The following FSIP1 variants were observed in gnomAD, a reference collection of about 807,000 sequenced individuals.
The protein encoded by FSIP1 is fibrous sheath interacting protein 1.
In FSIP1, 65 loss-of-function variants were observed where a neutral mutation model predicts 60.9. The ratio of observed to expected loss-of-function variants is 1.07; its 90% CI spans 0.87 to 1.31. FSIP1 has a LOEUF of 1.31. Among genes scored for constraint, FSIP1 ranks in the 40% most tolerant of loss-of-function variants. FSIP1 has a pLI of 0.00. For missense variants in FSIP1, 675 were observed against 665.5 expected, an observed-to-expected ratio of 1.01 and a Z score of -0.16; for synonymous variants, 209 against 221.2, an observed-to-expected ratio of 0.94 and a Z score of 0.49.
intron 4 of FSIP1, among the ~76,000 whole-genome samples, chr15:39,764,247 T>C (rs968186896): frequency 6.6e-6 from 1 of 152,188 alleles, no homozygotes; most frequent in African/African-American, 2.4e-5. Flanking sequence ...ATTGTTACTA[T>C]GTTTTATTAT....
chr15:39,691,887 T>C (rs895716456), intron 10 of FSIP1, among the ~76,000 whole-genome samples: 2 of 152,156 alleles, frequency 1.3e-5, no homozygotes, highest in East Asian at 1.9e-4. Context: ...GATAGATAGA[T>C]AGATAGAGAG....
At chr15:39,641,412 A>G (rs1892363814) in intron 10 of FSIP1, among the ~76,000 whole-genome samples, 1 of 152,110 alleles carries the variant, frequency 6.6e-6, no homozygotes, top group Non-Finnish European at 1.5e-5. Context: ...AAAACACACG[A>G]CTTCCCTGGA....
At chr15:39,691,754 T>C (rs1894610154) in intron 10 of FSIP1, among the ~76,000 whole-genome samples, 1 of 152,134 alleles carries the variant, frequency 6.6e-6, no homozygotes, top group Non-Finnish European at 1.5e-5. Context: ...CCTTCCTAGC[T>C]CAGAAAAGAG....
At chr15:39,759,325 C>T (rs1454017630) in intron 5 of FSIP1, among the ~76,000 whole-genome samples, 1 of 152,124 alleles carries the variant, frequency 6.6e-6, no homozygotes, top group Non-Finnish European at 1.5e-5. Context: ...AGGTAACTCA[C>T]AACTTAGCTA....
chr15:39,693,750 G>A (rs1178841614), intron 10 of FSIP1, among the ~76,000 whole-genome samples: 2 of 152,124 alleles, frequency 1.3e-5, no homozygotes, highest in East Asian at 1.9e-4. Context: ...AGTGATAGAG[G>A]CTGTGTGTGT....
chr15:39,677,550 T>C (rs1369918836), intron 10 of FSIP1, among the ~76,000 whole-genome samples: 1 of 152,104 alleles, frequency 6.6e-6, no homozygotes, highest in African/African-American at 2.4e-5. Context: ...CCAGTATTTC[T>C]ACCCCTAGGA....
Position 39,732,591 on chromosome 15 carries a change from T to C in FSIP1, c.891+5500A>G, listed in dbSNP as rs147479492. On this transcript the variant is annotated intron_variant, in intron 8 of 11. Transcript: ENST00000350221. ...CCAAGATCGTGCCATTGCACTCCAGTGTGGGTGACAAGAGTGAAACTCCAT... is the reference window on the plus strand; with the variant it reads ...CCAAGATCGTGCCATTGCACTCCAGCGTGGGTGACAAGAGTGAAACTCCAT... 8.5e-3 allele frequency among the ~76,000 whole-genome samples: 1,099 copies of C among 129,710 alleles called. 21 individuals carry two copies. Among genetic ancestry groups the C allele is most frequent in the African/African-American group, 0.032 (1,045 of 32,212 alleles). The allele number at this position is 129,710 out of a possible 152,430, so 85.1% of individuals were successfully genotyped here. A position where few individuals can be genotyped will look rare whatever the true frequency, so the allele number is the denominator to read the frequency against.
chr15:39,690,979 T>A (rs1401274421), intron 10 of FSIP1, among the ~76,000 whole-genome samples: 1 of 152,110 alleles, frequency 6.6e-6, no homozygotes, highest in Non-Finnish European at 1.5e-5. Flanking sequence ...CATCAATCCA[T>A]CAGAGAGGTT....
At chr15:39,742,058 A>T (rs1382218132) in intron 5 of FSIP1, among the ~76,000 whole-genome samples, 158 bp from the exon 6 acceptor site, 3 of 152,210 alleles carry the variant, frequency 2.0e-5, no homozygotes, top group Non-Finnish European at 2.9e-5. Flanking sequence ...TGTCACCTCC[A>T]AGTAGAAATG....
intron 10 of FSIP1, among the ~76,000 whole-genome samples, chr15:39,688,292 T>C (rs187636132): frequency 1.3e-5 from 2 of 152,102 alleles, no homozygotes; most frequent in East Asian, 3.8e-4. Flanking sequence ...AAGCCAAAAA[T>C]CCATTTACTT....
chr15:39,642,723 T>G (rs1290196174), intron 10 of FSIP1, among the ~76,000 whole-genome samples: 1 of 152,220 alleles, frequency 6.6e-6, no homozygotes, highest in Non-Finnish European at 1.5e-5. Context: ...TTTTGTTTGT[T>G]TTGTTTTGTT....
At chr15:39,609,361 C>A (rs1403595777) in intron 11 of FSIP1, among the ~76,000 whole-genome samples, 1 of 152,192 alleles carries the variant, frequency 6.6e-6, no homozygotes, top group African/African-American at 2.4e-5. Flanking sequence ...GCAGCAAGGG[C>A]AGGTCAGTGA....
chr15:39,705,969 G>A (rs1895248092), intron 10 of FSIP1, among the ~76,000 whole-genome samples: 1 of 141,706 alleles, frequency 7.1e-6, no homozygotes, highest in South Asian at 2.2e-4. Context: ...TTGCACTCCA[G>A]CCTAGGCAAC....
intron 10 of FSIP1, among the ~76,000 whole-genome samples, chr15:39,662,112 A>C (rs1893319019): frequency 6.6e-6 from 1 of 152,116 alleles, no homozygotes; most frequent in African/African-American, 2.4e-5. Context: ...CTTCTTTTCT[A>C]ATGTTCAACT....
At chr15:39,738,355 C>G (rs1391842148) in intron 7 of FSIP1, among the ~76,000 whole-genome samples, 154 bp from the exon 8 acceptor site, 1 of 151,872 alleles carries the variant, frequency 6.6e-6, no homozygotes, top group African/African-American at 2.4e-5. Flanking sequence ...TATTTTATAC[C>G]AAAATTTTTA....
At chr15:39,624,673 C>T (rs559533905) in intron 10 of FSIP1, among the ~76,000 whole-genome samples, 1 of 152,316 alleles carries the variant, frequency 6.6e-6, no homozygotes, top group East Asian at 1.9e-4. Context: ...TCCTCTCTTA[C>T]ACTGAGGCTA....
At chr15:39,687,568 C>T (rs1261130656) in intron 10 of FSIP1, among the ~76,000 whole-genome samples, 1 of 152,190 alleles carries the variant, frequency 6.6e-6, no homozygotes, top group African/African-American at 2.4e-5. Context: ...GGTTCCCTGG[C>T]ACTTTGTATC....
intron 10 of FSIP1, among the ~76,000 whole-genome samples, chr15:39,684,340 G>T (rs1187369212): frequency 1.3e-5 from 2 of 152,046 alleles, no homozygotes; most frequent in East Asian, 3.9e-4. Flanking sequence ...AGGCACATGC[G>T]GAACATTATT....
chr15:39,657,878 C>A (rs1270039267), intron 10 of FSIP1, among the ~76,000 whole-genome samples: 1 of 152,172 alleles, frequency 6.6e-6, no homozygotes, highest in Non-Finnish European at 1.5e-5. Flanking sequence ...GATGACTGTA[C>A]AAATACACAG....
Sources: allele counts gnomAD v4.1 joint callset (sites outside exome capture counted in the v4.1 genomes callset), GRCh38; gene constraint gnomAD v4.1.1; transcripts MANE v1.5; gene names NCBI Gene and HGNC (gene_info 2026-07-23, HGNC 2026-07-21).